TDRD9: variants seen among roughly 807,000 people sequenced by gnomAD.
TDRD9 encodes ATP-dependent RNA helicase TDRD9.
In TDRD9, 124 loss-of-function variants were observed where a neutral mutation model predicts 172.6. The observed-to-expected ratio is 0.72, with a 90% CI of 0.62 to 0.83. The LOEUF is 0.83. Ranked by LOEUF, TDRD9 falls within the 40% of genes least tolerant of loss-of-function variation. The probability of loss-of-function intolerance (pLI) is 0.00; values close to 1 mark genes in which losing one functional copy is unlikely to be tolerated. For missense variants in TDRD9, 1,479 were observed against 1,714.1 expected (o/e 0.86, Z 2.42); for synonymous variants, 619 against 617.1 (o/e 1.00, Z -0.05).
intron 2 of TDRD9, among the ~76,000 whole-genome samples, chr14:103,961,618 C>T (rs2032515756): frequency 6.7e-6 from 1 of 149,496 alleles, no homozygotes; most frequent in African/African-American, 2.5e-5. Context: ...ATCGGCAGGA[C>T]AGCTTTCCTG....
At chr14:104,020,321 A>G (rs991132313) in intron 23 of TDRD9, among the ~76,000 whole-genome samples, 5 of 152,176 alleles carry the variant, frequency 3.3e-5, no homozygotes, top group African/African-American at 9.7e-5. Flanking sequence ...TGCAGCCAGT[A>G]TGGTGCTGTT....
At chr14:103,991,904 C>T (rs938971529) in intron 9 of TDRD9, among the ~76,000 whole-genome samples, 3 of 152,082 alleles carry the variant, frequency 2.0e-5, no homozygotes, top group South Asian at 2.1e-4. Flanking sequence ...ATTACAGACA[C>T]GCGCCACCAT....
intron 9 of TDRD9, 96 bp downstream of exon 9, chr14:103,991,320 T>C: frequency 7.8e-7 from 1 of 1,278,912 alleles, no homozygotes; most frequent in Non-Finnish European, 1.1e-6. Flanking sequence ...GTATTCTCCA[T>C]AGGACTTTAT....
chr14:104,031,093 T>C lies in TDRD9; in HGVS notation c.3283-15T>C. 6.5e-7 allele frequency: 1 copy of C among 1,539,526 alleles called. No homozygotes were observed. The highest frequency in any genetic ancestry group is 8.7e-7 in the Non-Finnish European group (1 of 1,144,326). On this transcript the variant is annotated splice_polypyrimidine_tract_variant and intron_variant, in intron 28 of 35. Coordinates refer to ENST00000409874, the MANE Select transcript of TDRD9 (RefSeq NM_153046.3). Reference sequence around the variant, plus strand: ...TATTTTCTTTTAACAAAACAAACTTTTCTTGTTTGTTCAGCAAAGCCATGA... The same window carrying C: ...TATTTTCTTTTAACAAAACAAACTTCTCTTGTTTGTTCAGCAAAGCCATGA...
chr14:104,024,631 A>G lies in TDRD9; in HGVS notation c.2669A>G (p.Asp890Gly). Residue 890 changes from aspartate to glycine, a missense_variant, in exon 25 of 36, where the codon GAC (aspartate) becomes GGC (glycine). Asp to Gly is a moderately conservative substitution (Grantham distance 94). This residue lies in a region of TDRD9 where 1,413 missense variants were observed against 1,649.1 expected (regional missense o/e 0.86). Coordinates refer to ENST00000409874, the MANE Select transcript of TDRD9 (RefSeq NM_153046.3). ...ATGCAAGTCTCCTTTAACACATCAGACAGGTCCCAGACAGTTACAGATCTC... is the reference window on the plus strand; with the variant it reads ...ATGCAAGTCTCCTTTAACACATCAGGCAGGTCCCAGACAGTTACAGATCTC... ...DPMQVSFNTS[D>G]RSQTVTDLLL... 6.2e-7 allele frequency: 1 copy of G among 1,613,414 alleles called. No homozygotes were observed. The highest frequency in any genetic ancestry group is 8.5e-7 in the Non-Finnish European group (1 of 1,179,508).
chr14:104,014,667 C>T, intron 20 of TDRD9, 58 bp from the exon 21 acceptor site: 4 of 968,864 alleles, frequency 4.1e-6, no homozygotes, highest in South Asian at 1.3e-5. Flanking sequence ...CTAGTGTTTT[C>T]ACTGCTCTGA....
chr14:103,989,475 G>A (rs2033792156), intron 8 of TDRD9, among the ~76,000 whole-genome samples: 1 of 152,230 alleles, frequency 6.6e-6, no homozygotes. Flanking sequence ...TGCTGTGCAG[G>A]AAATAATGGA....
At chr14:104,039,126 A>G (rs1596022476) in intron 32 of TDRD9, among the ~76,000 whole-genome samples, 1 of 152,190 alleles carries the variant, frequency 6.6e-6, no homozygotes, top group Non-Finnish European at 1.5e-5. Flanking sequence ...TCTTCTTCAC[A>G]TGGTGGCAGC....
chr14:104,048,591 A>AG (rs2035848859), intron 34 of TDRD9, among the ~76,000 whole-genome samples: 1 of 152,138 alleles, frequency 6.6e-6, no homozygotes, highest in South Asian at 2.1e-4. Flanking sequence ...CTCCAAGTTC[A>AG]GGCACTTTTT....
At chr14:103,983,437 T>C (rs2033557429) in intron 7 of TDRD9, among the ~76,000 whole-genome samples, 1 of 152,160 alleles carries the variant, frequency 6.6e-6, no homozygotes, top group Admixed American at 6.5e-5. Context: ...GAAAAAAAAT[T>C]TGCCCCTGTG....
At chr14:103,950,000 G>GGCCCTGCCCT (rs145914752) in intron 1 of TDRD9, among the ~76,000 whole-genome samples, 10 of 145,440 alleles carry the variant, frequency 6.9e-5, no homozygotes, top group African/African-American at 1.0e-4. Flanking sequence ...AAACAAATCA[G>GGCCCTGCCCT]GCCCTGCCCT....
Position 103,991,231 on chromosome 14 carries a change from A to T in TDRD9, c.1180+7A>T. On this transcript the variant is annotated splice_region_variant and intron_variant, in intron 9 of 35. Coordinates refer to ENST00000409874, the MANE Select transcript of TDRD9 (RefSeq NM_153046.3). ...GTGTTGGTGTTTTTGCCAGGTAAGA[A>T]CATCATAATTTTGTGACTTGGAATC... The T allele has an allele frequency of 6.2e-7, 1 of 1,613,940 alleles. No individual in the cohort carries two copies. The highest frequency in any genetic ancestry group is 1.1e-5 in the South Asian group (1 of 91,056).
chr14:104,031,468 GTTTTTTT>G (rs55696833), intron 29 of TDRD9, among the ~76,000 whole-genome samples: 6 of 105,104 alleles, frequency 5.7e-5, no homozygotes, highest in East Asian at 3.0e-4. Context: ...GCTTTGACTA[GTTTTTTT>G]TTTTTTTTTT....
chr14:104,004,625 G>T (rs997943869), intron 14 of TDRD9, among the ~76,000 whole-genome samples: 1 of 152,202 alleles, frequency 6.6e-6, no homozygotes, highest in Middle Eastern at 3.4e-3. Context: ...TGATCCGCCC[G>T]CCTTGGCCTC....
At chr14:103,973,087 G>A (rs1458988113) in intron 6 of TDRD9, among the ~76,000 whole-genome samples, 1 of 152,198 alleles carries the variant, frequency 6.6e-6, no homozygotes, top group Non-Finnish European at 1.5e-5. Flanking sequence ...TGATGGACAT[G>A]TTGGTAAGGA....
chr14:103,942,525 A>G (rs1384437299), intron 1 of TDRD9, among the ~76,000 whole-genome samples: 1 of 152,310 alleles, frequency 6.6e-6, no homozygotes, highest in East Asian at 1.9e-4. Flanking sequence ...GCTAGAGTGA[A>G]GACTGTCGCG....
chr14:103,999,787 T>C (rs2034198905), intron 13 of TDRD9, among the ~76,000 whole-genome samples: 1 of 151,512 alleles, frequency 6.6e-6, no homozygotes, highest in Admixed American at 6.6e-5. Flanking sequence ...TCATTTAATC[T>C]TCCTAACAAC....
rs565690636 is a variant in TDRD9 at position 104,014,922 on chromosome 14, T to A, written c.2223+81T>A. 3.0e-4 allele frequency: 239 copies of A among 794,910 alleles called. No homozygotes were observed. In the African/African-American group the frequency reaches 3.7e-3, roughly 12 times the overall value. The allele number at this position is 794,910 out of a possible 1,614,324, so 49.2% of individuals were successfully genotyped here. On this transcript the variant is annotated intron_variant, in intron 21 of 35. Transcript: ENST00000409874. ...TTGTGGTCGAGAAACTGCTTATTCC[T>A]GCTTTCTGATACAAACCAAACCTCA... is the stretch of plus-strand genomic sequence containing the variant.
intron 1 of TDRD9, among the ~76,000 whole-genome samples, chr14:103,945,251 T>A (rs991663927): frequency 1.3e-5 from 2 of 152,216 alleles, no homozygotes; most frequent in Non-Finnish European, 2.9e-5. Context: ...CTTCTCCACT[T>A]ACTTGTTTGA....
Sources: allele counts gnomAD v4.1 joint callset (sites outside exome capture counted in the v4.1 genomes callset), GRCh38; gene constraint gnomAD v4.1.1; regional missense constraint gnomAD v4.1.1; transcripts MANE v1.5; gene names NCBI Gene and HGNC (gene_info 2026-07-23, HGNC 2026-07-21).